Variants in RSPO2 observed in about 807,000 individuals in gnomAD.
The protein encoded by RSPO2 is R-spondin 2.
In RSPO2, 14 loss-of-function variants were observed where a neutral mutation model predicts 30.9. That is an observed-to-expected ratio of 0.45 (90% CI 0.30 to 0.71). The LOEUF (loss-of-function observed/expected upper bound fraction) is 0.71. Among genes scored for constraint, RSPO2 ranks in the 30% least tolerant of loss-of-function variants. RSPO2 has a pLI of 0.08. For synonymous variants in RSPO2, 107 were observed against 96.4 expected (o/e 1.11, Z -0.64); for missense variants, 264 against 301.9 (o/e 0.87, Z 0.93).
intron 3 of RSPO2, among the ~76,000 whole-genome samples, chr8:107,973,781 T>G (rs1417008128): frequency 6.6e-6 from 1 of 152,194 alleles, no homozygotes; most frequent in African/African-American, 2.4e-5. Context: ...CCCTTCCTTT[T>G]TTCCCCCCAT....
intron 2 of RSPO2, among the ~76,000 whole-genome samples, chr8:108,038,223 A>C (rs1035928323): frequency 1.3e-5 from 2 of 152,160 alleles, no homozygotes; most frequent in Non-Finnish European, 2.9e-5. Context: ...GGGGTTCAAA[A>C]CTTCAGTGGA....
At chr8:107,926,119 T>C (rs2130327015) in intron 5 of RSPO2, among the ~76,000 whole-genome samples, 1 of 152,298 alleles carries the variant, frequency 6.6e-6, no homozygotes, top group East Asian at 1.9e-4. Flanking sequence ...AGATGGTATC[T>C]CATTGTGGTT....
intron 5 of RSPO2, among the ~76,000 whole-genome samples, chr8:107,927,569 C>A (rs942994517): frequency 9.9e-5 from 15 of 152,078 alleles, no homozygotes; most frequent in Non-Finnish European, 2.9e-5. Flanking sequence ...GAGATACGTC[C>A]CATCAATACC....
chr8:108,034,661 A>G (rs1811535437), intron 2 of RSPO2, among the ~76,000 whole-genome samples: 1 of 152,200 alleles, frequency 6.6e-6, no homozygotes, highest in Admixed American at 6.5e-5. Flanking sequence ...CCTTCTATTT[A>G]AGACTCAGAA....
At chr8:107,998,986 G>A (rs1438460557) in intron 2 of RSPO2, among the ~76,000 whole-genome samples, 1 of 152,164 alleles carries the variant, frequency 6.6e-6, no homozygotes, top group Non-Finnish European at 1.5e-5. Flanking sequence ...AGAAGTTGCA[G>A]TGAGTTGGGA....
intron 3 of RSPO2, among the ~76,000 whole-genome samples, chr8:107,971,857 C>G (rs1435961370): frequency 6.6e-6 from 1 of 152,210 alleles, no homozygotes; most frequent in Non-Finnish European, 1.5e-5. Context: ...ACCTTCTTAG[C>G]CTCAACTCCA....
At chr8:108,037,178 C>T (rs1811623749) in intron 2 of RSPO2, among the ~76,000 whole-genome samples, 1 of 152,072 alleles carries the variant, frequency 6.6e-6, no homozygotes, top group Non-Finnish European at 1.5e-5. Flanking sequence ...AAGCTAGGCC[C>T]CTCAAGTTGT....
chr8:107,909,461 C>T (rs1387287601), intron 5 of RSPO2, among the ~76,000 whole-genome samples: 1 of 151,984 alleles, frequency 6.6e-6, no homozygotes, highest in Non-Finnish European at 1.5e-5. Context: ...CAGGTTTTCA[C>T]CATGTTGGTC....
intron 2 of RSPO2, among the ~76,000 whole-genome samples, chr8:108,026,597 T>G (rs1402785957): frequency 6.6e-6 from 1 of 152,154 alleles, no homozygotes; most frequent in Non-Finnish European, 1.5e-5. Flanking sequence ...CCAGGAGCGG[T>G]GGCTCATGCT....
chr8:107,937,993 C>T (rs569533306), intron 5 of RSPO2, among the ~76,000 whole-genome samples: 1 of 152,102 alleles, frequency 6.6e-6, no homozygotes, highest in Admixed American at 6.5e-5. Flanking sequence ...AACCTGTCCA[C>T]AATAATATCC....
intron 1 of RSPO2, 53 bp from the exon 2 acceptor site, chr8:108,082,860 G>A (rs192960045): frequency 2.0e-6 from 1 of 511,788 alleles, no homozygotes. Flanking sequence ...AGAGCCCCGG[G>A]GAGGCAGCTG....
chr8:108,059,909 A>G (rs199685007), intron 2 of RSPO2, among the ~76,000 whole-genome samples: 32 of 149,894 alleles, frequency 2.1e-4, no homozygotes, highest in Admixed American at 2.1e-3. Context: ...GCTAAATGAC[A>G]AGTTAATGGG....
At chr8:108,041,436 G>A (rs1027024230) in intron 2 of RSPO2, among the ~76,000 whole-genome samples, 2 of 151,990 alleles carry the variant, frequency 1.3e-5, no homozygotes, top group African/African-American at 4.8e-5. Flanking sequence ...TCATATCCAA[G>A]AACAAGGTTT....
intron 5 of RSPO2, among the ~76,000 whole-genome samples, chr8:107,909,285 T>C (rs1328774662): frequency 7.3e-5 from 10 of 136,402 alleles, no homozygotes; most frequent in East Asian, 7.0e-4. Context: ...TTTTTTGAGA[T>C]GGAGTCTCGC....
chr8:107,999,864 T>C (rs1335787691), intron 2 of RSPO2, among the ~76,000 whole-genome samples: 1 of 152,108 alleles, frequency 6.6e-6, no homozygotes, highest in East Asian at 1.9e-4. Flanking sequence ...CCTTAAATAC[T>C]CTCCAGTGCC....
At chr8:107,921,539 A>G (rs756942376) in intron 5 of RSPO2, among the ~76,000 whole-genome samples, 5 of 152,068 alleles carry the variant, frequency 3.3e-5, no homozygotes, top group Non-Finnish European at 7.4e-5. Context: ...TTTAGGAGTG[A>G]TGGTAGCATT....
chr8:107,994,763 T>G (rs552992954), intron 2 of RSPO2, among the ~76,000 whole-genome samples: 5 of 152,248 alleles, frequency 3.3e-5, no homozygotes, highest in South Asian at 2.1e-4. Context: ...CATCAATTAT[T>G]GAAACTTTTA....
intron 2 of RSPO2, among the ~76,000 whole-genome samples, chr8:108,030,979 T>C (rs936176312): frequency 1.3e-5 from 2 of 152,202 alleles, no homozygotes; most frequent in South Asian, 2.1e-4. Context: ...CTGATGATTA[T>C]ACTACTGGAT....
At chr8:108,049,844 AACAGTGCTGC>A (rs1410249315) in intron 2 of RSPO2, among the ~76,000 whole-genome samples, 40 of 152,248 alleles carry the variant, frequency 2.6e-4, no homozygotes, top group African/African-American at 8.7e-4. Flanking sequence ...TGCTATTGTA[AACAGTGCTGC>A]AATAAACATA....
Sources: allele counts gnomAD v4.1 joint callset (sites outside exome capture counted in the v4.1 genomes callset), GRCh38; gene constraint gnomAD v4.1.1; transcripts MANE v1.5; gene names NCBI Gene and HGNC (gene_info 2026-07-23, HGNC 2026-07-21).